The following PSG3 variants were observed in gnomAD, a reference collection of about 807,000 sequenced individuals.
PSG3 encodes pregnancy-specific beta-1-glycoprotein 3.
Under a neutral mutation model 47.5 loss-of-function variants are expected in PSG3, and 61 were observed. The ratio of observed to expected loss-of-function variants is 1.28; its 90% CI spans 1.05 to 1.59. The LOEUF (loss-of-function observed/expected upper bound fraction) is 1.59. Ranked by LOEUF, PSG3 falls within the 40% of genes most tolerant of loss-of-function variation. The pLI is 0.00. For missense variants in PSG3, 756 were observed against 524.0 expected, an observed-to-expected ratio of 1.44 and a Z score of -4.32; for synonymous variants, 263 against 198.4, an observed-to-expected ratio of 1.33 and a Z score of -2.74.
intron 3 of PSG3, chr19:42,732,411 T>C (rs2353150): frequency 3.1e-5 from 12 of 391,690 alleles, no homozygotes; most frequent in African/African-American, 1.2e-4. Flanking sequence ...ATGTCATAGG[T>C]GGTATTGTCA....
chr19:42,731,084 G>T (rs1441875238), intron 3 of PSG3, among the ~76,000 whole-genome samples: 1 of 152,218 alleles, frequency 6.6e-6, no homozygotes, highest in African/African-American at 2.4e-5. Flanking sequence ...AGAAGAGACT[G>T]CTGGTTGCCA....
At chr19:42,739,755 G>C (rs1213618984) in intron 1 of PSG3, among the ~76,000 whole-genome samples, 2 of 152,130 alleles carry the variant, frequency 1.3e-5, no homozygotes. Context: ...AGTGTCATCT[G>C]ATATAGTTAT....
In PSG3 at chr19:42,740,473, C is replaced by G. The variant is rs190199145; in HGVS notation, c.-89G>C. ...CATGGCTCTCAGCTGTGCTGTCCTT[C>G]CTCCTTCTGCGCTGAGCCTCTTCCC... On this transcript the variant is annotated 5_prime_UTR_variant, in exon 1 of 7. Coordinates refer to ENST00000327495, the MANE Select transcript of PSG3 (RefSeq NM_021016.4). 327 of 1,609,740 alleles carry G rather than the reference C, an allele frequency of 2.0e-4. 2 individuals are homozygous for G. The African/African-American group carries it at 4.1e-3, about 20-fold the overall frequency.
Position 42,738,465 on chromosome 19 carries a change from A to G in PSG3, c.430+259T>C, listed in dbSNP as rs372147606. On this transcript the variant is annotated intron_variant, in intron 2 of 6. Coordinates refer to ENST00000327495, the MANE Select transcript of PSG3 (RefSeq NM_021016.4). ...GAAGAGAGCATGAGGTGCTTGGCTG[A>G]GACTGATCTCCTCCTGCTGAGTCCC... 1.3e-4 allele frequency among the ~76,000 whole-genome samples: 20 copies of G among 152,308 alleles called. No individual in the cohort carries two copies. In the South Asian group the frequency reaches 3.9e-3, roughly 30 times the overall value.
chr19:42,724,954 T>G (rs1260076388), intron 5 of PSG3, among the ~76,000 whole-genome samples: 1 of 152,158 alleles, frequency 6.6e-6, no homozygotes, highest in African/African-American at 2.4e-5. Context: ...ATACTTTCCC[T>G]GTATCTCATT....
At chr19:42,723,628 G>T (rs766354827) in intron 6 of PSG3, among the ~76,000 whole-genome samples, 2 of 152,232 alleles carry the variant, frequency 1.3e-5, no homozygotes, top group Non-Finnish European at 2.9e-5. Context: ...TATGGGAATG[G>T]AGAGAATTAC....
chr19:42,734,595 GGTAGTA>G (rs1969531064), intron 2 of PSG3, among the ~76,000 whole-genome samples: 1 of 152,168 alleles, frequency 6.6e-6, no homozygotes, highest in Non-Finnish European at 1.5e-5. Context: ...ATCAATTGCT[GGTAGTA>G]GTATTTCTCT....
At chr19:42,731,107 G>A (rs981835991) in intron 3 of PSG3, among the ~76,000 whole-genome samples, 2 of 152,224 alleles carry the variant, frequency 1.3e-5, no homozygotes, top group Admixed American at 1.3e-4. Flanking sequence ...AGCTGGGAGT[G>A]GGGAGAATCA....
At chr19:42,725,900 A>AAAAAAAAAAAAAAAAAAAAAAAAAT (rs1969370204) in intron 5 of PSG3, among the ~76,000 whole-genome samples, 1 of 150,684 alleles carries the variant, frequency 6.6e-6, no homozygotes, top group Non-Finnish European at 1.5e-5. Flanking sequence ...CAAAAAAAAA[A>AAAAAAAAAAAAAAAAAAAAAAAAAT]AAAAAAAAAG....
intron 5 of PSG3, among the ~76,000 whole-genome samples, chr19:42,728,872 T>A (rs1161587223): frequency 1.3e-5 from 2 of 152,162 alleles, no homozygotes; most frequent in Non-Finnish European, 2.9e-5. Flanking sequence ...TTCTACCACA[T>A]AGGGCTCAGG....
At position 42,733,024 on chromosome 19, in the gene PSG3, A is replaced by G; in HGVS notation, c.469T>C (p.Tyr157His). 1 of 1,614,118 alleles carries G rather than the reference A, an allele frequency of 6.2e-7. No homozygotes were observed. Among genetic ancestry groups the G allele is most frequent in the Non-Finnish European group, 8.5e-7 (1 of 1,180,012 alleles). ...PKPSISSSNL[Y>H]PREDMEAVSL... ...ACAGCCTCCATGTCCTCCCTGGGGT[A>G]TAAGTTGCTGCTGGAGATGGAGGGC... The change falls in exon 3 of 7, where the codon TAC (tyrosine) becomes CAC (histidine). Residue 157 changes from tyrosine to histidine, a missense_variant. By Grantham distance (83) the Tyr-to-His change is moderately conservative. Transcript: ENST00000327495.
chr19:42,728,809 C>T (rs958569397), intron 5 of PSG3, among the ~76,000 whole-genome samples: 2 of 152,076 alleles, frequency 1.3e-5, no homozygotes, highest in Admixed American at 1.3e-4. Context: ...TTGGTGACAG[C>T]AAGAAGCAAC....
chr19:42,737,696 C>T (rs1969589616), intron 2 of PSG3, among the ~76,000 whole-genome samples: 1 of 152,158 alleles, frequency 6.6e-6, no homozygotes, highest in Non-Finnish European at 1.5e-5. Flanking sequence ...CCAGTAAGCC[C>T]TCACTTCTGG....
intron 2 of PSG3, among the ~76,000 whole-genome samples, chr19:42,735,041 A>G (rs755107651): frequency 2.0e-5 from 3 of 152,228 alleles, no homozygotes; most frequent in Non-Finnish European, 4.4e-5. Context: ...ATGAGGAAAC[A>G]GTTGTATGTG....
intron 5 of PSG3, among the ~76,000 whole-genome samples, chr19:42,727,124 C>T (rs1969390246): frequency 6.6e-6 from 1 of 152,080 alleles, no homozygotes; most frequent in Non-Finnish European, 1.5e-5. Flanking sequence ...CAAAAAGTAA[C>T]CCACAATAGA....
chr19:42,730,995 C>G (rs1192110862), intron 3 of PSG3, among the ~76,000 whole-genome samples: 1 of 152,188 alleles, frequency 6.6e-6, no homozygotes, highest in Admixed American at 6.5e-5. Flanking sequence ...TATTTTCTTT[C>G]ATTGGACATT....
intron 5 of PSG3, among the ~76,000 whole-genome samples, chr19:42,725,067 G>A (rs928303467): frequency 2.0e-5 from 3 of 152,140 alleles, no homozygotes; most frequent in African/African-American, 7.2e-5. Flanking sequence ...CATATGGCTA[G>A]TGACAGGTGG....
At chr19:42,736,200 G>C (rs1969560080) in intron 2 of PSG3, among the ~76,000 whole-genome samples, 1 of 152,198 alleles carries the variant, frequency 6.6e-6, no homozygotes, top group African/African-American at 2.4e-5. Flanking sequence ...ATCCTTGACT[G>C]CTCAAATGTC....
chr19:42,739,192 A>G, intron 1 of PSG3, 103 bp from the exon 2 acceptor site: 2 of 1,423,542 alleles, frequency 1.4e-6, no homozygotes, highest in Admixed American at 2.1e-5. Flanking sequence ...TCAGCTTTGA[A>G]GAGACACACA....
Sources: allele counts gnomAD v4.1 joint callset (sites outside exome capture counted in the v4.1 genomes callset), GRCh38; gene constraint gnomAD v4.1.1; transcripts MANE v1.5; gene names NCBI Gene and HGNC (gene_info 2026-07-23, HGNC 2026-07-21).